The following SLC12A1 variants were observed in gnomAD, a reference collection of about 807,000 sequenced individuals.
SLC12A1 encodes the protein Na-K-2Cl cotransporter.
Under a neutral mutation model 130.4 loss-of-function variants are expected in SLC12A1, and 89 were observed. The ratio of observed to expected loss-of-function variants is 0.68; its 90% CI spans 0.58 to 0.81. The LOEUF (loss-of-function observed/expected upper bound fraction) is 0.81. SLC12A1 is among the 40% of genes least tolerant of loss of function. The pLI, the probability that SLC12A1 is intolerant of heterozygous loss-of-function variation, is 0.00. For missense variants in SLC12A1, 1,310 were observed against 1,336.4 expected (o/e 0.98, Z 0.31); for synonymous variants, 499 against 460.0 (o/e 1.08, Z -1.09).
intron 26 of SLC12A1, among the ~76,000 whole-genome samples, chr15:48,302,215 C>T (rs993699568): frequency 1.3e-5 from 2 of 152,174 alleles, no homozygotes; most frequent in Middle Eastern, 3.2e-3. Flanking sequence ...TTTGTCTTTA[C>T]AATACCTAAG....
Position 48,300,058 on chromosome 15 carries a change from G to A in SLC12A1, c.3096+783G>A, listed in dbSNP as rs142641192. On this transcript the variant is annotated intron_variant, in intron 25 of 26. Coordinates refer to ENST00000380993, the MANE Select transcript of SLC12A1 (RefSeq NM_000338.3). ...TTAGAAAGAAATCTTAGGGCCGGGTGCACTGGCTCACACCTGTAATCCCAG... is the reference window on the plus strand; with the variant it reads ...TTAGAAAGAAATCTTAGGGCCGGGTACACTGGCTCACACCTGTAATCCCAG... 2.0e-5 allele frequency among the ~76,000 whole-genome samples: 3 copies of A among 152,332 alleles called. No individual in the cohort carries two copies. The East Asian group carries it at 5.8e-4, about 29-fold the overall frequency.
At chr15:48,206,646 G>T (rs1404119785) in intron 1 of SLC12A1, among the ~76,000 whole-genome samples, 1 of 152,080 alleles carries the variant, frequency 6.6e-6, no homozygotes, top group African/African-American at 2.4e-5. Flanking sequence ...TAATTCTAAA[G>T]CAAGTGTTTT....
At chr15:48,237,751 G>A (rs754318712) in intron 9 of SLC12A1, among the ~76,000 whole-genome samples, 1 of 152,096 alleles carries the variant, frequency 6.6e-6, no homozygotes, top group Non-Finnish European at 1.5e-5. Flanking sequence ...ATAGAGTTTG[G>A]ATATTATCCC....
chr15:48,226,289 A>AGAGAAC (rs2041284793), intron 4 of SLC12A1, 187 bp from the exon 5 acceptor site: 1 of 520,138 alleles, frequency 1.9e-6, no homozygotes, highest in Admixed American at 4.2e-5. Flanking sequence ...ATCCTTCATC[A>AGAGAAC]TAATGAGCAG....
chr15:48,291,909 C>A, intron 24 of SLC12A1, 45 bp downstream of exon 24: 1 of 1,173,246 alleles, frequency 8.5e-7, no homozygotes, highest in Non-Finnish European at 1.2e-6. Context: ...ATGGTACTCT[C>A]TCATTCTCTT....
At chr15:48,226,979 G>A in intron 5 of SLC12A1, 1 of 753,072 alleles carries the variant, frequency 1.3e-6, no homozygotes. Context: ...TTCACAGGGA[G>A]GTGGATCTTT....
chr15:48,232,806 A>AG lies in SLC12A1; in HGVS notation c.1056dup (p.Lys353GlufsTer8). On this transcript the variant is annotated frameshift_variant, in exon 8 of 27. Coordinates refer to ENST00000380993, the MANE Select transcript of SLC12A1 (RefSeq NM_000338.3). LOFTEE classifies it high-confidence loss of function. ...GGAACTGTCATTCCATCCAACAATG[A>AG]GAAAAAGTCCAGAGGTTTCTTTAAT... 2 of 1,612,106 alleles carry AG rather than the reference A, an allele frequency of 1.2e-6. No individual in the cohort carries two copies. Among genetic ancestry groups the AG allele is most frequent in the Non-Finnish European group, 1.7e-6 (2 of 1,178,264 alleles).
In SLC12A1 at chr15:48,269,738, G is replaced by C. The variant is rs2041872101; in HGVS notation, c.2376G>C (p.Glu792Asp). 8 of 1,605,570 alleles carry C rather than the reference G, an allele frequency of 5.0e-6. No homozygotes were observed. The highest frequency in any genetic ancestry group is 6.8e-6 in the Non-Finnish European group (8 of 1,172,592). ...KKNWRKAPLT[E>D]IENYVGIIHD... ...ACTGGAGGAAAGCTCCCTTGACAGA[G>C]ATTGAGAACTACGTGGGAATCATAC... Residue 792 changes from glutamate to aspartate, a missense_variant, in exon 19 of 27, where the codon GAG (glutamate) becomes GAC (aspartate). Glu to Asp is a conservative substitution (Grantham distance 45). Transcript: ENST00000380993.
chr15:48,248,403 C>T (rs146606189), intron 13 of SLC12A1, among the ~76,000 whole-genome samples: 9 of 152,332 alleles, frequency 5.9e-5, no homozygotes, highest in Admixed American at 5.9e-4. Context: ...CAAATCATTG[C>T]CCTGTGCTGC....
intron 24 of SLC12A1, among the ~76,000 whole-genome samples, chr15:48,293,427 C>A (rs945783714): frequency 5.9e-5 from 9 of 152,048 alleles, no homozygotes; most frequent in African/African-American, 1.9e-4. Flanking sequence ...TGGAGTGGGG[C>A]CTCCAAGAGG....
At position 48,267,808 on chromosome 15, in the gene SLC12A1, G is replaced by C. The variant is rs980443403; in HGVS notation, c.2295+107G>C. ...TGTAGTTAGGCAGCCAAGCATCAGA[G>C]ATCAGTGCAGATGGTTAAGGGATTA... is the stretch of plus-strand genomic sequence containing the variant. On this transcript the variant is annotated intron_variant, in intron 18 of 26. Coordinates refer to ENST00000380993, the MANE Select transcript of SLC12A1 (RefSeq NM_000338.3). 10 of 1,153,428 alleles carry C rather than the reference G, an allele frequency of 8.7e-6. No individual in the cohort carries two copies. In the Admixed American group the frequency reaches 9.4e-5, roughly 11 times the overall value. The allele number at this position is 1,153,428 out of a possible 1,614,324, so 71.4% of individuals were successfully genotyped here. A position where few individuals can be genotyped will look rare whatever the true frequency, so the allele number is the denominator to read the frequency against.
chr15:48,281,327 G>GT (rs1445450063), intron 20 of SLC12A1, among the ~76,000 whole-genome samples: 2 of 152,182 alleles, frequency 1.3e-5, no homozygotes, highest in Admixed American at 6.5e-5. Context: ...GAAAAATGGC[G>GT]TAAGTTCTGC....
In SLC12A1 at chr15:48,207,891, C is replaced by T. The variant is rs959913904; in HGVS notation, c.172C>T (p.Leu58Phe). 4.3e-6 allele frequency: 7 copies of T among 1,613,978 alleles called. No individual in the cohort carries two copies. The highest frequency in any genetic ancestry group is 5.9e-6 in the Non-Finnish European group (7 of 1,179,882). ...TSFGDEAQKR[L>F]RISFRPGNQE... ...TTTTGGGGATGAAGCTCAGAAAAGA[C>T]TCAGAATCAGCTTTAGGCCTGGGAA... The change falls in exon 2 of 27, where the codon CTC becomes TTC. Residue 58 changes from leucine (L) to phenylalanine (F), a missense_variant. Coordinates refer to ENST00000380993, the MANE Select transcript of SLC12A1 (RefSeq NM_000338.3).
intron 2 of SLC12A1, among the ~76,000 whole-genome samples, chr15:48,211,269 G>T (rs2041049112): frequency 6.6e-6 from 1 of 152,166 alleles, no homozygotes; most frequent in Non-Finnish European, 1.5e-5. Context: ...TGCTGAAATT[G>T]TATGGCCTAG....
intron 19 of SLC12A1, among the ~76,000 whole-genome samples, chr15:48,271,018 G>A (rs1182731864): frequency 1.3e-5 from 2 of 151,062 alleles, no homozygotes. Context: ...GAGGTCAGGA[G>A]TTCCAGACCA....
chr15:48,251,542 C>T lies in SLC12A1; in HGVS notation c.1787-73C>T, dbSNP rs1055164713. 3.4e-6 allele frequency: 4 copies of T among 1,191,594 alleles called. No individual in the cohort carries two copies. In the African/African-American group the frequency reaches 6.0e-5, roughly 18 times the overall value. The allele number at this position is 1,191,594 out of a possible 1,614,324, so 73.8% of individuals were successfully genotyped here. A position where few individuals can be genotyped will look rare whatever the true frequency, so the allele number is the denominator to read the frequency against. On this transcript the variant is annotated intron_variant, in intron 14 of 26. Coordinates refer to ENST00000380993, the MANE Select transcript of SLC12A1 (RefSeq NM_000338.3). ...TTATGTCAGGAAAAAGGCATGTTAC[C>T]TGCATTCTTCTAATATTCAGTGCCA...
chr15:48,299,130 C>CCTTT lies in SLC12A1; in HGVS notation c.2961-10_2961-9insCTTT. ...CCACTGTGAGGCCTCCTTTATAATT[C>CCTTT]AAATTTTAGCTGGAAAGTCTTTGAA... On this transcript the variant is annotated splice_polypyrimidine_tract_variant and intron_variant, in intron 24 of 26. Transcript: ENST00000380993. The CCTTT allele has an allele frequency of 6.3e-7, 1 of 1,596,454 alleles. No individual in the cohort carries two copies. The highest frequency in any genetic ancestry group is 8.5e-7 in the Non-Finnish European group (1 of 1,174,428).
At chr15:48,221,032 T>C (rs2041207172) in intron 4 of SLC12A1, 36 bp downstream of exon 4, 1 of 1,565,716 alleles carries the variant, frequency 6.4e-7, no homozygotes, top group Admixed American at 1.7e-5. Flanking sequence ...ATTTTGCATG[T>C]AAATCATAAA....
intron 11 of SLC12A1, 84 bp from the exon 12 acceptor site, chr15:48,246,825 G>A (rs999240267): frequency 3.1e-5 from 27 of 874,566 alleles, no homozygotes; most frequent in Non-Finnish European, 4.8e-5. Context: ...GAAGCAGGGG[G>A]AAAAAATGTA....
Sources: allele counts gnomAD v4.1 joint callset (sites outside exome capture counted in the v4.1 genomes callset), GRCh38; gene constraint gnomAD v4.1.1; transcripts MANE v1.5; gene names NCBI Gene and HGNC (gene_info 2026-07-23, HGNC 2026-07-21).